CELSR3: variants seen among roughly 807,000 people sequenced by gnomAD.
CELSR3 encodes the protein cadherin EGF LAG seven-pass G-type receptor 3.
CELSR3 carries 73 observed loss-of-function variants against 270.0 expected under a neutral mutation model. The ratio of observed to expected loss-of-function variants is 0.27; its 90% CI spans 0.22 to 0.33. The LOEUF is 0.33. Ranked by LOEUF, CELSR3 falls within the 10% of genes least tolerant of loss-of-function variation. The pLI is 1.00. For synonymous variants in CELSR3, 1,780 were observed against 1,905.4 expected (o/e 0.93, Z 1.71); for missense variants, 3,614 against 4,533.8 (o/e 0.80, Z 5.83).
intron 20 of CELSR3, 63 bp downstream of exon 20, chr3:48,647,778 T>C: frequency 6.5e-7 from 1 of 1,539,246 alleles, no homozygotes; most frequent in Non-Finnish European, 8.8e-7. Flanking sequence ...GAGGGCAACA[T>C]AGTATCTGGT....
rs895157655 is a variant in CELSR3 at position 48,648,396 on chromosome 3, C to T, written c.6843G>A (p.Gly2281=). The T allele has an allele frequency of 1.2e-6, 2 of 1,609,032 alleles. No homozygotes were observed. Among genetic ancestry groups the T allele is most frequent in the Non-Finnish European group, 1.7e-6 (2 of 1,178,486 alleles). The change falls in exon 19 of 35, where the codon GGG becomes GGA. Residue 2281 remains glycine, a synonymous_variant. Coordinates refer to ENST00000164024, the MANE Select transcript of CELSR3 (RefSeq NM_001407.3). ...PETGDLWAAL[G]QRAPGGSPGS... ...CTGGGGAGCCCCCAGGGGCCCGCTG[C>T]CCCAGCGCCGCCCACAAGTCCCCTG...
In CELSR3 at chr3:48,652,488, C is replaced by G. The variant is rs760126165; in HGVS notation, c.5700G>C (p.Leu1900=). The G allele has an allele frequency of 6.2e-7, 1 of 1,613,710 alleles. No individual in the cohort carries two copies. The highest frequency in any genetic ancestry group is 8.5e-7 in the Non-Finnish European group (1 of 1,179,950). ...GAGCCTCCTCTGCACTGCCGGGGGG[C>G]AGGCCTCCCACGTGGAGCTGCTTTA... ...LKVKQLHVGG[L]PPGSAEEAPQ... The change falls in exon 11 of 35, where the codon CTG becomes CTC. Residue 1900 remains leucine, a synonymous_variant. Transcript: ENST00000164024. The surrounding 1 kb of genome is among the most constrained non-coding windows in gnomAD (Gnocchi z 4.3).
Position 48,657,020 on chromosome 3 carries a change from G to A in CELSR3, c.4077C>T (p.Arg1359=), listed in dbSNP as rs2077028927. 6.2e-7 allele frequency: 1 copy of A among 1,613,474 alleles called. No individual in the cohort carries two copies. The highest frequency in any genetic ancestry group is 8.5e-7 in the Non-Finnish European group (1 of 1,179,774). ...GGGAGCGAGCCGCCAGCGCCGCCCG[G>A]CGCACGTACAACTGCTCCTGCAGCT... is the stretch of plus-strand genomic sequence containing the variant. ...SEELQEQLYV[R]RAALAARSLL... Residue 1359 remains arginine (R), a synonymous_variant, in exon 2 of 35, where the codon CGC becomes CGT. Transcript: ENST00000164024. This position sits in a 1 kb window ranked among gnomAD's most constrained non-coding sequence, Gnocchi z 5.4.
At position 48,657,279 on chromosome 3, in the gene CELSR3, T is replaced by C; in HGVS notation, c.3818A>G (p.Asn1273Ser). ...GTTCTCAAGGCGCACGGTCAGGCTG[T>C]TGGCCAGCAACTCCTCCGTGATGAT... The part of the protein sequence containing the change: ...VVIITEELLA[N>S]SLTVRLENMW... The change falls in exon 2 of 35, where the codon AAC (asparagine) becomes AGC (serine). Residue 1273 changes from asparagine to serine, a missense_variant. Around this residue, in one of 7 missense-constraint regions of CELSR3, gnomAD observed 1,331 missense variants for 1,933.7 expected, o/e 0.69. Coordinates refer to ENST00000164024, the MANE Select transcript of CELSR3 (RefSeq NM_001407.3). The surrounding 1 kb of genome is among the most constrained non-coding windows in gnomAD (Gnocchi z 5.4). 1 of 1,611,792 alleles carries C rather than the reference T, an allele frequency of 6.2e-7. No individual in the cohort carries two copies. Among genetic ancestry groups the C allele is most frequent in the Non-Finnish European group, 8.5e-7 (1 of 1,179,168 alleles).
At chr3:48,643,318 T>A in intron 28 of CELSR3, 1 of 644,828 alleles carries the variant, frequency 1.6e-6, no homozygotes, top group East Asian at 2.8e-5. Context: ...AGCCTTGGTG[T>A]TGGTGAAGGT....
rs1465356109 is a variant in CELSR3, at chr3:48,645,344, A to G, written c.7797+99T>C. On this transcript the variant is annotated intron_variant, in intron 24 of 34. Coordinates refer to ENST00000164024, the MANE Select transcript of CELSR3 (RefSeq NM_001407.3). This position sits in a 1 kb window ranked among gnomAD's most constrained non-coding sequence, Gnocchi z 5.4. ...GCATCCTGCTGAAAACCCTGGCCCCAACCTGAGCATCCCTGACCTCTGACC... is the reference window on the plus strand; with the variant it reads ...GCATCCTGCTGAAAACCCTGGCCCCGACCTGAGCATCCCTGACCTCTGACC... 6.4e-7 allele frequency: 1 copy of G among 1,568,770 alleles called. No homozygotes were observed. The highest frequency in any genetic ancestry group is 8.7e-7 in the Non-Finnish European group (1 of 1,145,488).
intron 16 of CELSR3, among the ~76,000 whole-genome samples, 165 bp from the exon 17 acceptor site, chr3:48,649,380 C>G (rs929510761): frequency 5.3e-5 from 8 of 152,212 alleles, no homozygotes; most frequent in African/African-American, 1.9e-4. Context: ...CAGGTAGGCC[C>G]CAGCTGCTTG....
intron 17 of CELSR3, 58 bp downstream of exon 17, chr3:48,649,063 G>T: frequency 1.3e-6 from 2 of 1,553,238 alleles, no homozygotes; most frequent in Non-Finnish European, 1.8e-6. Flanking sequence ...TGGTATCTGG[G>T]GCCCACCACA....
At position 48,651,188 on chromosome 3, in the gene CELSR3, T is replaced by C. The variant is rs2047133999; in HGVS notation, c.6187-113A>G. 7.0e-7 allele frequency: 1 copy of C among 1,433,382 alleles called. No homozygotes were observed. The highest frequency in any genetic ancestry group is 2.0e-5 in the Admixed American group (1 of 51,050). The allele number at this position is 1,433,382 out of a possible 1,614,324, so 88.8% of individuals were successfully genotyped here. A position where few individuals can be genotyped will look rare whatever the true frequency, so the allele number is the denominator to read the frequency against. ...GCTCATGGGCCAGAGGACACCTGGG[T>C]CATGCGTGAAGCCAAGGGAGGGGTC... On this transcript the variant is annotated intron_variant, in intron 14 of 34. Transcript: ENST00000164024. The surrounding 1 kb of genome is among the most constrained non-coding windows in gnomAD (Gnocchi z 7.4).
At position 48,652,287 on chromosome 3, in the gene CELSR3, A is replaced by G. The variant is rs775967683; in HGVS notation, c.5751+150T>C. The G allele has an allele frequency of 2.3e-5, 17 of 750,344 alleles. No individual in the cohort carries two copies. The highest frequency in any genetic ancestry group is 3.8e-5 in the Non-Finnish European group (17 of 444,132). 46.5% of individuals were successfully genotyped at this position (750,344 alleles called of 1,614,324 possible). A position where few individuals can be genotyped will look rare whatever the true frequency, so the allele number is the denominator to read the frequency against. On this transcript the variant is annotated intron_variant, in intron 11 of 34. Coordinates refer to ENST00000164024, the MANE Select transcript of CELSR3 (RefSeq NM_001407.3). This position sits in a 1 kb window ranked among gnomAD's most constrained non-coding sequence, Gnocchi z 4.3. The stretch of plus-strand genomic sequence containing the variant: ...AAGCTAGACTCCCACCTCCAATGCC[A>G]CAGAAAGGCTTGACCTAGCTCTCAA...
intron 28 of CELSR3, chr3:48,643,304 C>T (rs998079738): frequency 9.5e-6 from 6 of 632,514 alleles, no homozygotes; most frequent in South Asian, 4.0e-5. Flanking sequence ...AGCAAGGGGT[C>T]GGGAGCCTTG....
chr3:48,649,215 C>T lies in CELSR3; in HGVS notation c.6473G>A (p.Gly2158Asp), dbSNP rs139130636. The T allele has an allele frequency of 1.3e-5, 21 of 1,608,138 alleles. No homozygotes were observed. Among genetic ancestry groups the T allele is most frequent in the Non-Finnish European group, 1.7e-5 (20 of 1,177,476 alleles). ...ATVPCPRGAL[G>D]AAVRLCDEAQ... The stretch of plus-strand genomic sequence containing the variant: ...CTCATCACACAGCCGCACAGCAGCA[C>T]CTGGAGGCAGGCAACCCCTGGTCAG... Residue 2158 changes from glycine to aspartate, a missense_variant and splice_region_variant, in exon 17 of 35, where the codon GGT becomes GAT. This residue lies in a region of CELSR3 where 1,331 missense variants were observed against 1,933.7 expected (regional missense o/e 0.69). Transcript: ENST00000164024.
In CELSR3 at chr3:48,661,319, C is replaced by A. The variant is rs761619402; in HGVS notation, c.1316G>T (p.Arg439Leu). ...CTCCACATTCTCGCGAAGGGTCTCC[C>A]GGTACTGCGCTTGCTCAAAAACCGG... The part of the protein sequence containing the change: ...HSPVFEQAQY[R>L]ETLRENVEEG... Residue 439 changes from arginine (R) to leucine (L), a missense_variant, in exon 1 of 35, where the codon CGG (arginine) becomes CTG (leucine). Coordinates refer to ENST00000164024, the MANE Select transcript of CELSR3 (RefSeq NM_001407.3). The A allele has an allele frequency of 6.2e-7, 1 of 1,613,388 alleles. No homozygotes were observed. The highest frequency in any genetic ancestry group is 2.2e-5 in the East Asian group (1 of 44,874).
chr3:48,643,340 C>T, intron 28 of CELSR3: 2 of 697,754 alleles, frequency 2.9e-6, no homozygotes, highest in Non-Finnish European at 4.7e-6. Context: ...GATCCAAGAT[C>T]AGCACTCAGT....
intron 17 of CELSR3, 58 bp from the exon 18 acceptor site, chr3:48,648,986 AC>A (rs2047113057): frequency 2.5e-5 from 39 of 1,585,616 alleles, no homozygotes; most frequent in Admixed American, 1.0e-4. Flanking sequence ...CTAAAGCTTC[AC>A]AGGGAGAAAG....
rs568745002 is a variant in CELSR3, at chr3:48,657,543, G to T, written c.3749-195C>A. ...AGCATCAAGGTGTCAAAAAGCTGCT[G>T]CTTCCTCCCCCAATCCCCAATACAC... On this transcript the variant is annotated intron_variant, in intron 1 of 34. Coordinates refer to ENST00000164024, the MANE Select transcript of CELSR3 (RefSeq NM_001407.3). This position sits in a 1 kb window ranked among gnomAD's most constrained non-coding sequence, Gnocchi z 5.4. Among the ~76,000 whole-genome samples, 1 of 152,288 alleles carries T rather than the reference G, an allele frequency of 6.6e-6. No homozygotes were observed. Among genetic ancestry groups the T allele is most frequent in the African/African-American group, 2.4e-5 (1 of 41,556 alleles).
chr3:48,646,838 A>G lies in CELSR3; in HGVS notation c.7220T>C (p.Ile2407Thr). The G allele has an allele frequency of 6.2e-7, 1 of 1,602,578 alleles. No individual in the cohort carries two copies. Among genetic ancestry groups the G allele is most frequent in the Non-Finnish European group, 8.5e-7 (1 of 1,175,992 alleles). ...APPEPEPGIS[I>T]IILLVYRTLG... ...GGTGCGGTAAACGAGGAGAATGATA[A>G]TGGAGATCCCAGGCTCTGGCTCTGG... The change falls in exon 21 of 35, where the codon ATT becomes ACT. Residue 2407 changes from isoleucine (I) to threonine (T), a missense_variant. Ile to Thr is a moderately conservative substitution (Grantham distance 89). Around this residue, in one of 7 missense-constraint regions of CELSR3, gnomAD observed 1,240 missense variants for 1,351.7 expected, o/e 0.92. Coordinates refer to ENST00000164024, the MANE Select transcript of CELSR3 (RefSeq NM_001407.3). The surrounding 1 kb of genome is among the most constrained non-coding windows in gnomAD (Gnocchi z 4.8).
rs958856324 is a variant in CELSR3, at chr3:48,660,461, C to G, written c.2174G>C (p.Gly725Ala). ...TGAGCCATGGTCTCGAGCCTCCACA[C>G]CAAAGAAGTAATGCTCCACAGACTC... ...DRESVEHYFF[G>A]VEARDHGSPP... Residue 725 changes from glycine to alanine, a missense_variant, in exon 1 of 35, where the codon GGT becomes GCT. This residue lies in a region of CELSR3 where 215 missense variants were observed against 241.2 expected (regional missense o/e 0.89). Transcript: ENST00000164024. This position sits in a 1 kb window ranked among gnomAD's most constrained non-coding sequence, Gnocchi z 5.5. The G allele has an allele frequency of 6.8e-6, 11 of 1,614,126 alleles. No homozygotes were observed. Among genetic ancestry groups the G allele is most frequent in the Non-Finnish European group, 8.5e-6 (10 of 1,180,042 alleles).
Position 48,645,807 on chromosome 3 carries a change from G to A in CELSR3, c.7525C>T (p.His2509Tyr). ...DCELVHRNGS[H>Y]ARCRCSRTGT... ...GTCCGGCTGCAGCGACACCGTGCGT[G>A]GGACCCATTCCTGTGCACCAGCTCG... The change falls in exon 23 of 35, where the codon CAC becomes TAC. Residue 2509 changes from histidine (H) to tyrosine (Y), a missense_variant. By Grantham distance (83) the His-to-Tyr change is moderately conservative (BLOSUM62 2). Coordinates refer to ENST00000164024, the MANE Select transcript of CELSR3 (RefSeq NM_001407.3). This position sits in a 1 kb window ranked among gnomAD's most constrained non-coding sequence, Gnocchi z 5.4. The A allele has an allele frequency of 6.2e-7, 1 of 1,611,796 alleles. No homozygotes were observed. Among genetic ancestry groups the A allele is most frequent in the Non-Finnish European group, 8.5e-7 (1 of 1,179,520 alleles).
Sources: allele counts gnomAD v4.1 joint callset (sites outside exome capture counted in the v4.1 genomes callset), GRCh38; gene constraint gnomAD v4.1.1; regional missense constraint gnomAD v4.1.1; non-coding constraint Gnocchi (gnomAD v3.1); transcripts MANE v1.5; gene names NCBI Gene and HGNC (gene_info 2026-07-23, HGNC 2026-07-21).